The following MAPRE2 variants were observed in gnomAD, a reference collection of about 807,000 sequenced individuals.
MAPRE2 encodes the protein microtubule-associated protein RP/EB family member 2.
In MAPRE2, 13 loss-of-function variants were observed where a neutral mutation model predicts 43.2. The ratio of observed to expected loss-of-function variants is 0.30; its 90% CI spans 0.20 to 0.48. The LOEUF (loss-of-function observed/expected upper bound fraction) is 0.48, where lower values mean the gene tolerates loss of function less well. Among genes scored for constraint, MAPRE2 ranks in the 20% least tolerant of loss-of-function variants. The pLI is 0.99. For missense variants in MAPRE2, 161 were observed against 400.2 expected, an observed-to-expected ratio of 0.40 and a Z score of 5.10; for synonymous variants, 135 against 148.8, an observed-to-expected ratio of 0.91 and a Z score of 0.68.
intron 1 of MAPRE2, among the ~76,000 whole-genome samples, chr18:34,979,635 A>C (rs532142987): frequency 4.6e-5 from 7 of 152,192 alleles, no homozygotes; most frequent in Non-Finnish European, 8.8e-5. Flanking sequence ...AGTTATGTGA[A>C]GCAGAAAGGA....
chr18:35,056,276 C>T (rs1413144104), intron 1 of MAPRE2, among the ~76,000 whole-genome samples: 3 of 151,780 alleles, frequency 2.0e-5, no homozygotes, highest in Non-Finnish European at 1.5e-5. Context: ...ACATAATGAA[C>T]CCATTAATAT....
intron 2 of MAPRE2, among the ~76,000 whole-genome samples, chr18:35,020,566 T>G (rs1603390798): frequency 6.7e-6 from 1 of 149,886 alleles, no homozygotes; most frequent in African/African-American, 2.5e-5. Context: ...AAAAAAAAAA[T>G]GTGCAGTGAG....
At chr18:35,028,598 G>A (rs1312816963) in intron 2 of MAPRE2, among the ~76,000 whole-genome samples, 1 of 152,142 alleles carries the variant, frequency 6.6e-6, no homozygotes, top group Non-Finnish European at 1.5e-5. Flanking sequence ...TGGGTCATAG[G>A]CCTATCTCTG....
upstream of MAPRE2, among the ~76,000 whole-genome samples, chr18:35,039,516 C>T (rs1189869182): frequency 1.3e-5 from 2 of 152,196 alleles, no homozygotes; most frequent in Non-Finnish European, 2.9e-5. Context: ...AACTTGTGCA[C>T]TGTGGACTAA....
chr18:35,045,617 G>T (rs771481976), intron 1 of MAPRE2, among the ~76,000 whole-genome samples: 1 of 152,058 alleles, frequency 6.6e-6, no homozygotes, highest in Non-Finnish European at 1.5e-5. Context: ...GTGTTTTTTT[G>T]TGCACGTGTG....
intron 2 of MAPRE2, among the ~76,000 whole-genome samples, chr18:35,021,044 T>C (rs79568839): frequency 0.012 from 1,788 of 152,114 alleles, 36 homozygotes; most frequent in African/African-American, 0.04. Context: ...AAATGGTAGA[T>C]GAAAGGAAAA....
intron 1 of MAPRE2, among the ~76,000 whole-genome samples, chr18:34,993,608 C>A (rs1292123484): frequency 6.6e-6 from 1 of 152,176 alleles, no homozygotes; most frequent in African/African-American, 2.4e-5. Flanking sequence ...AAGTCGGAAT[C>A]ATTTCTTCTC....
chr18:35,032,375 G>A (rs1322814831), intron 2 of MAPRE2, among the ~76,000 whole-genome samples: 1 of 152,164 alleles, frequency 6.6e-6, no homozygotes, highest in Non-Finnish European at 1.5e-5. Context: ...AGGTGTTTCT[G>A]GGATTGAGTC....
At chr18:35,008,159 C>T (rs2097032716) in intron 2 of MAPRE2, among the ~76,000 whole-genome samples, 1 of 152,104 alleles carries the variant, frequency 6.6e-6, no homozygotes. Flanking sequence ...ACACAACATG[C>T]TTGTACTTTA....
intron 1 of MAPRE2, among the ~76,000 whole-genome samples, chr18:34,978,915 G>A (rs505763): frequency 0.59 from 89,044 of 152,042 alleles, 26,763 homozygotes; most frequent in East Asian, 0.7. Context: ...AGGTTGTTTG[G>A]GAGTGAGAAA....
rs114168621 is a variant in MAPRE2, at chr18:35,132,314, C to T, written c.909+124C>T. The T allele has an allele frequency of 2.4e-3, 1,944 of 797,050 alleles. 23 individuals are homozygous for T. In the African/African-American group the frequency reaches 0.03, roughly 12 times the overall value. 49.4% of individuals were successfully genotyped at this position (797,050 alleles called of 1,614,324 possible). A position where few individuals can be genotyped will look rare whatever the true frequency, so the allele number is the denominator to read the frequency against. The stretch of plus-strand genomic sequence containing the variant: ...ATGAGAATTACTGCTCAGCCAAGTG[C>T]ACCTGATAGTCCCAAAGGAATAAAC... On this transcript the variant is annotated intron_variant, in intron 6 of 6. Coordinates refer to ENST00000300249, the MANE Select transcript of MAPRE2 (RefSeq NM_014268.4).
intron 4 of MAPRE2, among the ~76,000 whole-genome samples, chr18:35,112,159 G>GTTTC (rs1285234634): frequency 6.6e-6 from 1 of 150,410 alleles, no homozygotes; most frequent in African/African-American, 2.4e-5. Flanking sequence ...GCAGAACACT[G>GTTTC]TTTCTTTCTT....
At chr18:34,990,246 CTG>C (rs1247827408) in intron 1 of MAPRE2, among the ~76,000 whole-genome samples, 2 of 152,132 alleles carry the variant, frequency 1.3e-5, no homozygotes, top group Admixed American at 6.6e-5. Context: ...GAATGCTTCT[CTG>C]TGAATAACTT....
intron 1 of MAPRE2, among the ~76,000 whole-genome samples, chr18:35,055,276 C>G (rs1603395233): frequency 6.6e-6 from 1 of 152,148 alleles, no homozygotes; most frequent in Non-Finnish European, 1.5e-5. Context: ...CCTTCCTTGT[C>G]TCTTCCCGCT....
intron 1 of MAPRE2, among the ~76,000 whole-genome samples, chr18:34,996,569 T>A (rs1371439506): frequency 2.0e-5 from 3 of 152,006 alleles, no homozygotes; most frequent in Non-Finnish European, 2.9e-5. Context: ...TACTCAAGAG[T>A]CCCAGCTTCA....
At chr18:35,077,665 T>C (rs1907436879) in intron 2 of MAPRE2, among the ~76,000 whole-genome samples, 1 of 152,212 alleles carries the variant, frequency 6.6e-6, no homozygotes, top group Non-Finnish European at 1.5e-5. Flanking sequence ...GCCCCAGGGA[T>C]CTTGACAAAG....
At chr18:35,015,330 G>T (rs1160154243) in intron 2 of MAPRE2, among the ~76,000 whole-genome samples, 2 of 152,102 alleles carry the variant, frequency 1.3e-5, no homozygotes, top group Admixed American at 6.6e-5. Flanking sequence ...CCTGTATATA[G>T]GGGAAAACAT....
In MAPRE2 at chr18:35,076,087, AT is replaced by A. The variant is rs574468683; in HGVS notation, c.250+5773del. ...CTTTCATTTACCAAACTGCTCTATA[AT>A]TTTTTTTACACATATGGATGATATA... On this transcript the variant is annotated intron_variant, in intron 2 of 6. Coordinates refer to ENST00000300249, the MANE Select transcript of MAPRE2 (RefSeq NM_014268.4). 1.1e-3 allele frequency among the ~76,000 whole-genome samples: 174 copies of A among 152,110 alleles called. 2 individuals are homozygous for A. Among genetic ancestry groups the A allele is most frequent in the Admixed American group, 4.8e-3 (73 of 15,260 alleles).
chr18:35,093,930 C>G (rs1482493086), intron 2 of MAPRE2, among the ~76,000 whole-genome samples: 1 of 152,114 alleles, frequency 6.6e-6, no homozygotes, highest in Non-Finnish European at 1.5e-5. Context: ...CAGGAGTGTA[C>G]CCTATTTAGA....
Sources: gnomAD v4.1 joint callset for allele counts (sites outside exome capture counted in the v4.1 genomes callset) on GRCh38, gnomAD v4.1.1 for gene constraint, MANE v1.5 for transcripts, NCBI Gene and HGNC (gene_info 2026-07-23, HGNC 2026-07-21) for gene names.